ADGRV1: variants seen among roughly 807,000 people sequenced by gnomAD.
ADGRV1 encodes the protein G-protein coupled receptor 98.
ADGRV1 carries 359 observed loss-of-function variants against 596.2 expected under a neutral mutation model. The ratio of observed to expected loss-of-function variants is 0.60; its 90% CI spans 0.55 to 0.66. ADGRV1 has a LOEUF of 0.66. Among genes scored for constraint, ADGRV1 ranks in the 30% least tolerant of loss-of-function variants. ADGRV1 has a pLI of 0.00. For synonymous variants in ADGRV1, 2,681 were observed against 2,679.2 expected (o/e 1.00, Z -0.02); for missense variants, 7,274 against 7,575.6 (o/e 0.96, Z 1.48).
At chr5:91,141,604 G>T (rs1332435983) in intron 87 of ADGRV1, among the ~76,000 whole-genome samples, 2 of 152,080 alleles carry the variant, frequency 1.3e-5, no homozygotes, top group Non-Finnish European at 2.9e-5. Context: ...TTTTAAAGAT[G>T]AAGCAATTAG....
intron 78 of ADGRV1, among the ~76,000 whole-genome samples, chr5:90,842,981 T>C (rs1253494367): frequency 6.6e-6 from 1 of 151,966 alleles, no homozygotes; most frequent in Non-Finnish European, 1.5e-5. Context: ...AGAAAATATA[T>C]AAAGAAAACA....
chr5:90,669,474 A>T (rs2149526467), intron 21 of ADGRV1, among the ~76,000 whole-genome samples: 1 of 152,098 alleles, frequency 6.6e-6, no homozygotes, highest in African/African-American at 2.4e-5. Flanking sequence ...GTTGACACTT[A>T]AAAAAAATAG....
chr5:90,849,079 C>G (rs1256809950), intron 79 of ADGRV1, among the ~76,000 whole-genome samples: 1 of 151,898 alleles, frequency 6.6e-6, no homozygotes, highest in Non-Finnish European at 1.5e-5. Flanking sequence ...TTACTGTTTA[C>G]TCTTATTTAT....
intron 83 of ADGRV1, among the ~76,000 whole-genome samples, chr5:90,900,532 T>G (rs2150634486): frequency 6.6e-6 from 1 of 152,276 alleles, no homozygotes; most frequent in African/African-American, 2.4e-5. Context: ...TTAAATAAAT[T>G]GCCACAATTT....
intron 31 of ADGRV1, 96 bp downstream of exon 31, chr5:90,691,137 CAAAT>C (rs1283022404): frequency 5.6e-6 from 8 of 1,432,296 alleles, no homozygotes; most frequent in Non-Finnish European, 7.9e-6. Context: ...GAGAGGATGT[CAAAT>C]AAATTATTCC....
chr5:90,725,729 G>C, intron 48 of ADGRV1, 73 bp downstream of exon 48: 1 of 846,140 alleles, frequency 1.2e-6, no homozygotes, highest in South Asian at 1.5e-5. Flanking sequence ...ATTTACCAAA[G>C]GTATGGTCTG....
At chr5:91,027,730 A>G (rs1784134350) in intron 85 of ADGRV1, among the ~76,000 whole-genome samples, 1 of 152,198 alleles carries the variant, frequency 6.6e-6, no homozygotes, top group Non-Finnish European at 1.5e-5. Flanking sequence ...GCATTGTTTG[A>G]GTTCTCTTTC....
rs187262458 is a variant in ADGRV1 at position 90,887,737 on chromosome 5, A to G, written c.17856+23880A>G. 1.0e-3 allele frequency among the ~76,000 whole-genome samples: 153 copies of G among 152,330 alleles called. 1 individual carries two copies. The highest frequency in any genetic ancestry group is 1.5e-4 in the Non-Finnish European group (10 of 68,028). On this transcript the variant is annotated intron_variant, in intron 83 of 89. Transcript: ENST00000405460. ...TAGCGAAAGTGTAAACCTAAAAACT[A>G]AAACCTAACATGGAGTTGTAATAGT...
chr5:91,111,369 T>G (rs1459180801), intron 87 of ADGRV1, among the ~76,000 whole-genome samples: 3 of 152,314 alleles, frequency 2.0e-5, no homozygotes, highest in Non-Finnish European at 2.9e-5. Context: ...TGAAAATAGT[T>G]TTTGAGGTAT....
chr5:91,099,581 G>T (rs563618569), intron 86 of ADGRV1, among the ~76,000 whole-genome samples: 1 of 152,266 alleles, frequency 6.6e-6, no homozygotes, highest in African/African-American at 2.4e-5. Flanking sequence ...TACATGCAGG[G>T]GAGTGGATCG....
intron 83 of ADGRV1, among the ~76,000 whole-genome samples, chr5:90,953,829 T>C (rs1342393540): frequency 6.6e-6 from 1 of 152,108 alleles, no homozygotes; most frequent in Admixed American, 6.6e-5. Context: ...AAGAACAGCA[T>C]AATAGTATGG....
At chr5:91,143,667 A>C (rs934547190) in intron 87 of ADGRV1, among the ~76,000 whole-genome samples, 1 of 152,036 alleles carries the variant, frequency 6.6e-6, no homozygotes, top group African/African-American at 2.4e-5. Context: ...GGCCTAGAAA[A>C]AGCACCATAA....
At chr5:90,570,885 G>T (rs987530727) in intron 1 of ADGRV1, among the ~76,000 whole-genome samples, 2 of 151,846 alleles carry the variant, frequency 1.3e-5, no homozygotes, top group African/African-American at 4.8e-5. Flanking sequence ...TAAAACAGTT[G>T]ATACAAAGTC....
intron 85 of ADGRV1, among the ~76,000 whole-genome samples, chr5:91,069,340 A>G (rs1392261993): frequency 6.6e-6 from 1 of 152,214 alleles, no homozygotes; most frequent in Non-Finnish European, 1.5e-5. Flanking sequence ...AATGGGAGAA[A>G]ATATTCACAA....
intron 83 of ADGRV1, among the ~76,000 whole-genome samples, chr5:90,904,415 T>A (rs1032863467): frequency 6.6e-6 from 1 of 152,042 alleles, no homozygotes; most frequent in Non-Finnish European, 1.5e-5. Context: ...CACATCATCA[T>A]CAGCATTTGT....
Position 90,789,803 on chromosome 5 carries a change from C to A in ADGRV1, c.13995C>A (p.Leu4665=). The change falls in exon 69 of 90, where the codon CTC becomes CTA. Residue 4665 remains leucine (L), a synonymous_variant. Coordinates refer to ENST00000405460, the MANE Select transcript of ADGRV1 (RefSeq NM_032119.4). Reference sequence around the variant, plus strand: ...CTCTGGCTCTGGAAGGGCCCCTGCTCATTACCTTCTTTGTCAGAAGAGTCA... The same window carrying A: ...CTCTGGCTCTGGAAGGGCCCCTGCTAATTACCTTCTTTGTCAGAAGAGTCA... ...SEPLALEGPL[L]ITFFVRRVKG... 6.6e-7 allele frequency: 1 copy of A among 1,507,342 alleles called. No homozygotes were observed. Among genetic ancestry groups the A allele is most frequent in the Non-Finnish European group, 8.9e-7 (1 of 1,124,810 alleles). 93.4% of individuals were successfully genotyped at this position (1,507,342 alleles called of 1,614,324 possible). A position where few individuals can be genotyped will look rare whatever the true frequency, so the allele number is the denominator to read the frequency against.
At chr5:90,676,344 G>C (rs1744219249) in intron 25 of ADGRV1, 135 bp downstream of exon 25, 1 of 747,508 alleles carries the variant, frequency 1.3e-6, no homozygotes, top group Non-Finnish European at 2.1e-6. Flanking sequence ...TTTTTGAAGA[G>C]AGCAGCCTGA....
chr5:90,811,092 G>A lies in ADGRV1; in HGVS notation c.15832G>A (p.Gly5278Ser). 1 of 1,613,722 alleles carries A rather than the reference G, an allele frequency of 6.2e-7. No homozygotes were observed. Among genetic ancestry groups the A allele is most frequent in the Non-Finnish European group, 8.5e-7 (1 of 1,179,676 alleles). ...GGAACCAAATGCATTGCCCTTTCGT[G>A]GTATCTATGGGATTTCCAACCTAAC... is the stretch of plus-strand genomic sequence containing the variant. ...QMEPNALPFR[G>S]IYGISNLTWA... The change falls in exon 74 of 90, where the codon GGT becomes AGT. Residue 5278 changes from glycine (G) to serine (S), a missense_variant. By Grantham distance (56) the Gly-to-Ser change is moderately conservative. This residue lies in a region of ADGRV1 where 1,874 missense variants were observed against 1,970.2 expected (regional missense o/e 0.95). Coordinates refer to ENST00000405460, the MANE Select transcript of ADGRV1 (RefSeq NM_032119.4).
At chr5:90,774,164 C>T (rs776930040) in intron 59 of ADGRV1, 22 bp from the exon 60 acceptor site, 1 of 1,386,244 alleles carries the variant, frequency 7.2e-7, no homozygotes, top group Non-Finnish European at 1.0e-6. Context: ...GGAAAATGCA[C>T]TGTTTCTGTC....
Sources: gnomAD v4.1 joint callset for allele counts (sites outside exome capture counted in the v4.1 genomes callset) on GRCh38, gnomAD v4.1.1 for gene constraint, gnomAD v4.1.1 regional missense constraint, MANE v1.5 for transcripts, NCBI Gene and HGNC (gene_info 2026-07-23, HGNC 2026-07-21) for gene names.